SGCZ: variants seen among roughly 807,000 people sequenced by gnomAD.
The protein encoded by SGCZ is sarcoglycan zeta, also known as zeta-sarcoglycan.
Under a neutral mutation model 41.3 loss-of-function variants are expected in SGCZ, and 40 were observed. The ratio of observed to expected loss-of-function variants is 0.97; its 90% CI spans 0.75 to 1.26. The LOEUF (loss-of-function observed/expected upper bound fraction) is 1.26, where lower values mean the gene tolerates loss of function less well. SGCZ is among the 50% of genes most tolerant of loss of function. SGCZ has a pLI of 0.00. For synonymous variants in SGCZ, 206 were observed against 137.5 expected (o/e 1.50, Z -3.49); for missense variants, 552 against 369.8 (o/e 1.49, Z -4.04).
intron 1 of SGCZ, among the ~76,000 whole-genome samples, chr8:15,136,000 T>C (rs1335684879): frequency 6.6e-6 from 1 of 152,170 alleles, no homozygotes; most frequent in African/African-American, 2.4e-5. Flanking sequence ...ACTTTCAGGT[T>C]ATCGGGTCAT....
intron 1 of SGCZ, among the ~76,000 whole-genome samples, chr8:14,617,713 G>A (rs1806150691): frequency 6.6e-6 from 1 of 152,130 alleles, no homozygotes; most frequent in Non-Finnish European, 1.5e-5. Flanking sequence ...TAGCTAGACT[G>A]AAATGCAAAG....
intron 3 of SGCZ, among the ~76,000 whole-genome samples, chr8:14,284,343 G>A (rs1800549052): frequency 6.6e-6 from 1 of 152,174 alleles, no homozygotes; most frequent in African/African-American, 2.4e-5. Context: ...CATGAGCTGT[G>A]GCCATGCCAC....
chr8:14,678,809 A>G (rs952259061), intron 1 of SGCZ, among the ~76,000 whole-genome samples: 4 of 152,220 alleles, frequency 2.6e-5, no homozygotes, highest in Admixed American at 2.0e-4. Flanking sequence ...GAACAGATAA[A>G]TACACTGGTA....
At chr8:14,917,592 A>T (rs62493336) in intron 1 of SGCZ, among the ~76,000 whole-genome samples, 2,368 of 152,232 alleles carry the variant, frequency 0.016, 27 homozygotes, top group Middle Eastern at 0.024. Context: ...AGAACCTCTT[A>T]TTAGAAACTG....
intron 1 of SGCZ, among the ~76,000 whole-genome samples, chr8:15,170,160 G>T (rs527281964): frequency 3.9e-5 from 6 of 152,202 alleles, no homozygotes; most frequent in Non-Finnish European, 5.9e-5. Context: ...AAGTTATTTT[G>T]TCATAAATAA....
At chr8:14,727,006 T>A (rs757427872) in intron 1 of SGCZ, among the ~76,000 whole-genome samples, 1 of 152,152 alleles carries the variant, frequency 6.6e-6, no homozygotes, top group Non-Finnish European at 1.5e-5. Context: ...AAGACACCAC[T>A]GAGATGTTAA....
intron 1 of SGCZ, among the ~76,000 whole-genome samples, chr8:14,692,713 A>G (rs1455267806): frequency 6.6e-6 from 1 of 152,078 alleles, no homozygotes; most frequent in South Asian, 2.1e-4. Flanking sequence ...TTCCACCTAA[A>G]TTATTGGAAT....
At chr8:14,976,593 C>T (rs1019770811) in intron 1 of SGCZ, among the ~76,000 whole-genome samples, 1 of 152,122 alleles carries the variant, frequency 6.6e-6, no homozygotes, top group Non-Finnish European at 1.5e-5. Flanking sequence ...CTGACAACAA[C>T]ACATAAGGTC....
intron 2 of SGCZ, among the ~76,000 whole-genome samples, chr8:14,536,333 G>GA (rs1803295848): frequency 6.6e-6 from 1 of 151,756 alleles, no homozygotes; most frequent in Admixed American, 6.6e-5. Flanking sequence ...TACAAAGTCA[G>GA]AAAAATGATC....
At chr8:14,947,423 T>C (rs1004919790) in intron 1 of SGCZ, among the ~76,000 whole-genome samples, 17 of 152,140 alleles carry the variant, frequency 1.1e-4, no homozygotes, top group African/African-American at 4.1e-4. Flanking sequence ...AACTCTTTCT[T>C]TGTCCTGATG....
chr8:14,544,420 T>C (rs1326341438), intron 2 of SGCZ, among the ~76,000 whole-genome samples: 4 of 152,182 alleles, frequency 2.6e-5, no homozygotes, highest in Middle Eastern at 3.4e-3. Flanking sequence ...TAAGGTCTGA[T>C]TGCCTGCGGG....
At chr8:14,895,113 G>C (rs777784330) in intron 1 of SGCZ, among the ~76,000 whole-genome samples, 1 of 152,096 alleles carries the variant, frequency 6.6e-6, no homozygotes, top group African/African-American at 2.4e-5. Flanking sequence ...ATTAAACTAA[G>C]GAAATATGTA....
chr8:14,863,680 A>ATATTAT (rs1368025235), intron 1 of SGCZ, among the ~76,000 whole-genome samples: 1 of 152,150 alleles, frequency 6.6e-6, no homozygotes, highest in African/African-American at 2.4e-5. Flanking sequence ...CTAAGAACAG[A>ATATTAT]TATTATTATT....
chr8:14,124,928 A>G (rs1392995154), intron 5 of SGCZ, among the ~76,000 whole-genome samples: 1 of 152,154 alleles, frequency 6.6e-6, no homozygotes, highest in Non-Finnish European at 1.5e-5. Flanking sequence ...CCTTAAACTG[A>G]TAAGCAACTT....
At chr8:14,147,085 C>T (rs531101822) in intron 5 of SGCZ, among the ~76,000 whole-genome samples, 17 of 151,862 alleles carry the variant, frequency 1.1e-4, no homozygotes, top group African/African-American at 4.1e-4. Context: ...TTGCAAGCCT[C>T]ATGGTAATCT....
chr8:14,797,666 G>A (rs368148588), intron 1 of SGCZ, among the ~76,000 whole-genome samples: 34 of 152,210 alleles, frequency 2.2e-4, no homozygotes, highest in African/African-American at 5.8e-4. Flanking sequence ...AGACAATGGG[G>A]AGAATGACTC....
intron 1 of SGCZ, among the ~76,000 whole-genome samples, chr8:14,782,345 C>T (rs1478318018): frequency 6.6e-6 from 1 of 152,134 alleles, no homozygotes; most frequent in Non-Finnish European, 1.5e-5. Context: ...CACTCATCTC[C>T]CCAGGAACCT....
chr8:14,415,985 G>A (rs542421605), intron 2 of SGCZ, among the ~76,000 whole-genome samples: 13 of 151,982 alleles, frequency 8.6e-5, no homozygotes, highest in Middle Eastern at 3.4e-3. Context: ...TTTATTGTAT[G>A]GTTTCCAAAA....
chr8:15,237,070 G>A (rs1018745184), intron 1 of SGCZ, among the ~76,000 whole-genome samples: 1 of 152,232 alleles, frequency 6.6e-6, no homozygotes, highest in East Asian at 1.9e-4. Context: ...GAAGTTCTGG[G>A]ATAAAAACGG....
Sources: allele counts gnomAD v4.1 joint callset (sites outside exome capture counted in the v4.1 genomes callset), GRCh38; gene constraint gnomAD v4.1.1; transcripts MANE v1.5; gene names NCBI Gene and HGNC (gene_info 2026-07-23, HGNC 2026-07-21).